The following MYO1E variants were observed in gnomAD, a reference collection of about 807,000 sequenced individuals.
The protein encoded by MYO1E is myosin IE.
A neutral mutation model predicts 151.1 loss-of-function variants in MYO1E; 68 were observed. That is an observed-to-expected ratio of 0.45 (90% CI 0.37 to 0.55). MYO1E has a LOEUF of 0.55. Ranked by LOEUF, MYO1E falls within the 20% of genes least tolerant of loss-of-function variation. The pLI, the probability that MYO1E is intolerant of heterozygous loss-of-function variation, is 0.00. For synonymous variants in MYO1E, 601 were observed against 501.7 expected, an observed-to-expected ratio of 1.20 and a Z score of -2.64; for missense variants, 1,363 against 1,389.3, an observed-to-expected ratio of 0.98 and a Z score of 0.30.
chr15:59,142,770 G>A (rs1165479184), intron 26 of MYO1E, among the ~76,000 whole-genome samples: 2 of 151,988 alleles, frequency 1.3e-5, no homozygotes, highest in African/African-American at 2.4e-5. Flanking sequence ...TTGGGGAGAG[G>A]ACCCTTGTCC....
Position 59,163,286 on chromosome 15 carries a change from A to G in MYO1E, c.2498T>C (p.Ile833Thr). 6.2e-7 allele frequency: 1 copy of G among 1,613,812 alleles called. No individual in the cohort carries two copies. The highest frequency in any genetic ancestry group is 8.5e-7 in the Non-Finnish European group (1 of 1,179,776). The change falls in exon 23 of 28, where the codon ATT becomes ACT. Residue 833 changes from isoleucine to threonine, a missense_variant. By Grantham distance (89) the Ile-to-Thr change is moderately conservative (BLOSUM62 -1). Transcript: ENST00000288235. ...SVSLSTMQDD[I>T]FILHEQEYDS... Reference sequence around the variant, plus strand: ...ATACTCTTGCTCATGGAGAATAAAAATGTCATCCTGCATAGTACTGTAAAG... The same window carrying G: ...ATACTCTTGCTCATGGAGAATAAAAGTGTCATCCTGCATAGTACTGTAAAG...
At chr15:59,152,278 C>A (rs16941077) in intron 26 of MYO1E, among the ~76,000 whole-genome samples, 2 of 152,154 alleles carry the variant, frequency 1.3e-5, no homozygotes, top group African/African-American at 4.8e-5. Flanking sequence ...TGGCTGCCCC[C>A]TCAGAGGAAG....
chr15:59,217,936 C>G lies in MYO1E; in HGVS notation c.1062G>C (p.Ala354=), dbSNP rs745860377. ...NVEQACYTRD[A]LAKALHARVF... ...CCCGGGCGTGCAGGGCCTTGGCGAG[C>G]GCATCCCGGGTGTAACAGGCCTGCT... The change falls in exon 10 of 28, where the codon GCG becomes GCC. Residue 354 remains alanine (A), a synonymous_variant. Transcript: ENST00000288235. 2.4e-5 allele frequency: 39 copies of G among 1,614,062 alleles called. No individual in the cohort carries two copies. Among genetic ancestry groups the G allele is most frequent in the Non-Finnish European group, 3.4e-6 (4 of 1,180,040 alleles).
At chr15:59,365,311 G>A (rs1567025977) in intron 1 of MYO1E, among the ~76,000 whole-genome samples, 1 of 152,020 alleles carries the variant, frequency 6.6e-6, no homozygotes, top group African/African-American at 2.4e-5. Flanking sequence ...TAGCCACCGC[G>A]CCCGGCTGAA....
intron 12 of MYO1E, among the ~76,000 whole-genome samples, chr15:59,213,136 T>TTTATTTA (rs1343330832): frequency 2.8e-3 from 391 of 139,356 alleles, no homozygotes; most frequent in South Asian, 3.4e-3. Context: ...GAACTATTTA[T>TTTATTTA]TTATTATTAT....
At chr15:59,266,647 T>G (rs2080255395) in intron 2 of MYO1E, 1 of 151,826 alleles carries the variant, frequency 6.6e-6, no homozygotes, top group Non-Finnish European at 1.5e-5. Context: ...CAAATTTTGT[T>G]TTTTGTTTTG....
In MYO1E at chr15:59,158,343, T is replaced by C; in HGVS notation, c.2822A>G (p.Tyr941Cys). ...GTTGGCATTTTGAGTCCCACTGGAA[T>C]AACCTGTATTTTGGGTAGTGTTCCT... Reference protein sequence around the residue: ...TRRNTTQNTGYSSGTQNANYP... With the variant: ...TRRNTTQNTGCSSGTQNANYP... Residue 941 changes from tyrosine to cysteine, a missense_variant, in exon 25 of 28, where the codon TAT (tyrosine) becomes TGT (cysteine). Physicochemically the swap from Tyr to Cys is radical, Grantham distance 194 (BLOSUM62 -2). Transcript: ENST00000288235. The C allele has an allele frequency of 6.4e-7, 1 of 1,574,336 alleles. No individual in the cohort carries two copies. The highest frequency in any genetic ancestry group is 8.6e-7 in the Non-Finnish European group (1 of 1,157,650).
chr15:59,223,630 CA>C (rs1324026689), intron 8 of MYO1E, among the ~76,000 whole-genome samples: 3 of 152,176 alleles, frequency 2.0e-5, no homozygotes, highest in Non-Finnish European at 4.4e-5. Flanking sequence ...CTGACCTTTC[CA>C]CCTACTCAAA....
intron 1 of MYO1E, among the ~76,000 whole-genome samples, chr15:59,281,523 G>A (rs1163704542): frequency 3.3e-5 from 5 of 151,824 alleles, no homozygotes; most frequent in African/African-American, 1.2e-4. Context: ...TGATCTGCCC[G>A]CCTCGGCCTC....
intron 24 of MYO1E, 111 bp downstream of exon 24, chr15:59,160,962 G>T: frequency 7.2e-7 from 1 of 1,398,522 alleles, no homozygotes; most frequent in Non-Finnish European, 1.0e-6. Context: ...CCAGCAAGCA[G>T]AAGGTGTACT....
At chr15:59,273,169 C>T (rs1566998662) in intron 1 of MYO1E, among the ~76,000 whole-genome samples, 1 of 152,204 alleles carries the variant, frequency 6.6e-6, no homozygotes, top group Non-Finnish European at 1.5e-5. Flanking sequence ...CCCGCATGGC[C>T]CCCTTGGGTA....
chr15:59,199,683 A>G lies in MYO1E; in HGVS notation c.1698+2643T>C, dbSNP rs957996140. On this transcript the variant is annotated intron_variant, in intron 16 of 27. Transcript: ENST00000288235. ...TAGTTAAATCCTACAAATCAGTTTAAATTTTTAAATAATTAGAATATAATG... is the reference window on the plus strand; with the variant it reads ...TAGTTAAATCCTACAAATCAGTTTAGATTTTTAAATAATTAGAATATAATG... 5.9e-5 allele frequency among the ~76,000 whole-genome samples: 9 copies of G among 152,334 alleles called. No homozygotes were observed. The South Asian group carries it at 1.7e-3, about 28-fold the overall frequency.
Position 59,372,665 on chromosome 15 carries a change from A to C in MYO1E, c.-165T>G. 1 of 856,672 alleles carries C rather than the reference A, an allele frequency of 1.2e-6. No homozygotes were observed. The allele number at this position is 856,672 out of a possible 1,614,324, so 53.1% of individuals were successfully genotyped here. ...CCAATGGGAACCCAGAGGGGACTCC[A>C]TCCAGGCGGGATTGGCGGTGCTAGG... On this transcript the variant is annotated 5_prime_UTR_variant, in exon 1 of 28. The change abolishes an upstream ATG in the 5' untranslated region. Transcript: ENST00000288235.
chr15:59,138,843 C>T (rs1400533566), intron 26 of MYO1E, among the ~76,000 whole-genome samples: 2 of 152,112 alleles, frequency 1.3e-5, no homozygotes, highest in East Asian at 3.8e-4. Context: ...CAGTTTGCCA[C>T]ACATGTAAAT....
At chr15:59,301,422 G>A (rs772382340) in intron 1 of MYO1E, among the ~76,000 whole-genome samples, 1 of 152,156 alleles carries the variant, frequency 6.6e-6, no homozygotes, top group Admixed American at 6.5e-5. Flanking sequence ...TCTGCTGGGA[G>A]CAGGAACATC....
chr15:59,160,661 G>A (rs142449296), intron 24 of MYO1E, among the ~76,000 whole-genome samples: 10 of 151,938 alleles, frequency 6.6e-5, no homozygotes, highest in East Asian at 2.0e-4. Flanking sequence ...TCAAGCGATC[G>A]TCCGGCCTTG....
rs2079899554 is a variant in MYO1E, at chr15:59,214,268, A to T, written c.1235T>A (p.Leu412Gln). The change falls in exon 12 of 28, where the codon CTG becomes CAG. Residue 412 changes from leucine to glutamine, a missense_variant. By Grantham distance (113) the Leu-to-Gln change is moderately radical. Coordinates refer to ENST00000288235, the MANE Select transcript of MYO1E (RefSeq NM_004998.4). ...TGTCAGTTCAATAAAAATCTGCTGCAGTTTTTCATTAACAAAATTGATACA... is the reference window on the plus strand; with the variant it reads ...TGTCAGTTCAATAAAAATCTGCTGCTGTTTTTCATTAACAAAATTGATACA... The part of the protein sequence containing the change: ...QFCINFVNEK[L>Q]QQIFIELTLK... 1 of 1,613,304 alleles carries T rather than the reference A, an allele frequency of 6.2e-7. No homozygotes were observed. The highest frequency in any genetic ancestry group is 1.3e-5 in the African/African-American group (1 of 74,942).
chr15:59,369,791 A>C (rs1162511870), intron 1 of MYO1E, among the ~76,000 whole-genome samples: 2 of 152,074 alleles, frequency 1.3e-5, no homozygotes, highest in Non-Finnish European at 2.9e-5. Flanking sequence ...GAAAATGGCT[A>C]TTTTCCTTAT....
At chr15:59,353,057 C>T (rs1414818244) in intron 1 of MYO1E, among the ~76,000 whole-genome samples, 4 of 152,100 alleles carry the variant, frequency 2.6e-5, no homozygotes, top group Non-Finnish European at 5.9e-5. Context: ...TAGATCTAGC[C>T]AACGGCAGTT....
Sources: allele counts gnomAD v4.1 joint callset (sites outside exome capture counted in the v4.1 genomes callset), GRCh38; gene constraint gnomAD v4.1.1; transcripts MANE v1.5; gene names NCBI Gene and HGNC (gene_info 2026-07-23, HGNC 2026-07-21).